The following FNBP1 variants were observed in gnomAD, a reference collection of about 807,000 sequenced individuals.
FNBP1 encodes formin binding protein 1.
In FNBP1, 26 loss-of-function variants were observed where a neutral mutation model predicts 90.6. The ratio of observed to expected loss-of-function variants is 0.29; its 90% CI spans 0.21 to 0.40. The LOEUF is 0.40. Ranked by LOEUF, FNBP1 falls within the 10% of genes least tolerant of loss-of-function variation. FNBP1 has a pLI of 1.00. For missense variants in FNBP1, 635 were observed against 768.0 expected (o/e 0.83, Z 2.05); for synonymous variants, 260 against 265.2 (o/e 0.98, Z 0.19).
chr9:129,971,133 T>C (rs6478933), intron 4 of FNBP1, among the ~76,000 whole-genome samples: 148,386 of 151,926 alleles, frequency 0.98, 72,561 homozygotes, highest in East Asian at 1. Context: ...CCTTTTGATA[T>C]GCCCACCTCC....
In FNBP1 at chr9:129,900,450, T is replaced by C; in HGVS notation, c.1526A>G (p.Asn509Ser). 3.7e-6 allele frequency: 6 copies of C among 1,603,092 alleles called. 1 individual carries two copies. Among genetic ancestry groups the C allele is most frequent in the Middle Eastern group, 3.3e-4 (2 of 6,018 alleles). ...LYDSQNPPTV[N>S]NCAQDRESPD... ...CCTCTCACGGTCCTGGGCGCAGTTG[T>C]TGACTGTGGGTGGGTTCTGGCTGTC... Residue 509 changes from asparagine (N) to serine (S), a missense_variant, in exon 14 of 17, where the codon AAC becomes AGC. Transcript: ENST00000446176. The surrounding 1 kb of genome is among the most constrained non-coding windows in gnomAD (Gnocchi z 4.1).
chr9:129,995,379 T>C (rs1273348902), intron 1 of FNBP1, among the ~76,000 whole-genome samples: 1 of 152,120 alleles, frequency 6.6e-6, no homozygotes, highest in Non-Finnish European at 1.5e-5. Context: ...GGGGGAAGTG[T>C]TACAAAATTT....
Position 129,900,680 on chromosome 9 carries a change from G to C in FNBP1, c.1429-133C>G. 2.1e-6 allele frequency: 2 copies of C among 970,662 alleles called. No individual in the cohort carries two copies. Among genetic ancestry groups the C allele is most frequent in the African/African-American group, 3.4e-5 (2 of 58,810 alleles). 60.1% of individuals were successfully genotyped at this position (970,662 alleles called of 1,614,324 possible). A position where few individuals can be genotyped will look rare whatever the true frequency, so the allele number is the denominator to read the frequency against. On this transcript the variant is annotated intron_variant, in intron 13 of 16. Transcript: ENST00000446176. This position sits in a 1 kb window ranked among gnomAD's most constrained non-coding sequence, Gnocchi z 4.1. ...GGTCCCAAACTCAGGGGCTACTCTT[G>C]GCCATTTAACCCAATGTGAGGAAGT...
chr9:129,992,184 A>G (rs1220838723), intron 2 of FNBP1, among the ~76,000 whole-genome samples: 1 of 152,226 alleles, frequency 6.6e-6, no homozygotes, highest in Non-Finnish European at 1.5e-5. Flanking sequence ...AGCAGGGGCC[A>G]GCAAGGGAGA....
rs189916420 is a variant in FNBP1, at chr9:129,941,453, T to C, written c.514-11758A>G. On this transcript the variant is annotated intron_variant, in intron 6 of 16. Transcript: ENST00000446176. ...AATTCCCAAGAACAACTGACAATGA[T>C]AGACAATGAAATTACATTTTGTTTT... Among the ~76,000 whole-genome samples the C allele has an allele frequency of 3.1e-4, 47 of 152,270 alleles. No individual in the cohort carries two copies. The Middle Eastern group carries it at 0.014, about 44-fold the overall frequency.
intron 1 of FNBP1, chr9:130,013,755 A>G (rs752889777): frequency 2.2e-6 from 1 of 456,686 alleles, no homozygotes; most frequent in Non-Finnish European, 4.4e-6. Context: ...AAATGGGGCC[A>G]AATAAAAGAT....
intron 1 of FNBP1, among the ~76,000 whole-genome samples, chr9:129,998,414 T>C (rs1234787523): frequency 6.6e-6 from 1 of 151,238 alleles, no homozygotes. Context: ...CTTGGGAGGC[T>C]GAGGCAGGAG....
In FNBP1 at chr9:129,888,700, C is replaced by T. The variant is rs2034884601; in HGVS notation, c.*1839G>A. 1 of 233,370 alleles carries T rather than the reference C, an allele frequency of 4.3e-6. No homozygotes were observed. Among genetic ancestry groups the T allele is most frequent in the Non-Finnish European group, 8.5e-6 (1 of 118,100 alleles). The allele number at this position is 233,370 out of a possible 1,614,324, so 14.5% of individuals were successfully genotyped here. A position where few individuals can be genotyped will look rare whatever the true frequency, so the allele number is the denominator to read the frequency against. On this transcript the variant is annotated 3_prime_UTR_variant, in exon 17 of 17. Coordinates refer to ENST00000446176, the MANE Select transcript of FNBP1 (RefSeq NM_015033.3). ...TCTTCACCTGCCTGGGCCTCAGCGT[C>T]TCTGCGCTTGTGGTTTCTCGTCCCC...
At chr9:130,018,254 A>AGTGT (rs113672103) in intron 1 of FNBP1, among the ~76,000 whole-genome samples, 2 of 150,574 alleles carry the variant, frequency 1.3e-5, no homozygotes, top group Non-Finnish European at 1.5e-5. Context: ...GTGTGTTTAA[A>AGTGT]GTGTGTGTGT....
At chr9:129,907,587 GTGTGTGT>G (rs2038368236) in intron 12 of FNBP1, among the ~76,000 whole-genome samples, 1 of 3,170 alleles carries the variant, frequency 3.2e-4, no homozygotes, top group Non-Finnish European at 9.4e-4. Context: ...GAGGGTGTGT[GTGTGTGT>G]GTGTGTGTGT....
chr9:129,934,005 T>C (rs2043105423), intron 6 of FNBP1, among the ~76,000 whole-genome samples: 2 of 152,216 alleles, frequency 1.3e-5, no homozygotes, highest in Admixed American at 6.5e-5. Context: ...CTAAAACTAG[T>C]GTTGAATCAA....
Position 129,889,630 on chromosome 9 carries a change from T to A in FNBP1, c.*909A>T, listed in dbSNP as rs2034945476. 4.4e-6 allele frequency: 1 copy of A among 225,152 alleles called. No homozygotes were observed. Among genetic ancestry groups the A allele is most frequent in the South Asian group, 1.8e-4 (1 of 5,464 alleles). The allele number at this position is 225,152 out of a possible 1,614,324, so 13.9% of individuals were successfully genotyped here. ...TGCTACCCTTTTCAGATGCTAATCC[T>A]GGGGCTCCTGGAAAGGAGAGGATGT... On this transcript the variant is annotated 3_prime_UTR_variant, in exon 17 of 17. Coordinates refer to ENST00000446176, the MANE Select transcript of FNBP1 (RefSeq NM_015033.3).
intron 1 of FNBP1, among the ~76,000 whole-genome samples, chr9:130,018,790 A>G (rs954764208): frequency 6.6e-6 from 1 of 152,190 alleles, no homozygotes; most frequent in African/African-American, 2.4e-5. Context: ...AAAAAATAAG[A>G]ATATAGTGTA....
upstream of FNBP1, among the ~76,000 whole-genome samples, chr9:130,046,270 GCACCCA>G (rs1179054059): frequency 7.2e-5 from 11 of 152,156 alleles, no homozygotes; most frequent in Admixed American, 1.3e-4. Context: ...ACTTTTATCT[GCACCCA>G]CACTGTCACT....
At chr9:129,979,425 A>C in intron 2 of FNBP1, 51 bp from the exon 3 acceptor site, 2 of 1,313,110 alleles carry the variant, frequency 1.5e-6, no homozygotes, top group Non-Finnish European at 2.2e-6. Flanking sequence ...AGAATTAAGA[A>C]ATCAGGAATG....
chr9:129,915,379 T>C lies in FNBP1; in HGVS notation c.1185+587A>G, dbSNP rs148831511. On this transcript the variant is annotated intron_variant, in intron 11 of 16. Coordinates refer to ENST00000446176, the MANE Select transcript of FNBP1 (RefSeq NM_015033.3). ...AATATTTACGTTCATATATATATAT[T>C]TGGAGACAGAGTCTTGCTCTGTCAC... Among the ~76,000 whole-genome samples, 141 of 152,276 alleles carry C rather than the reference T, an allele frequency of 9.3e-4. 2 individuals are homozygous for C. In the South Asian group the frequency reaches 0.017, roughly 18 times the overall value.
At chr9:129,950,475 C>T (rs1390877350) in intron 6 of FNBP1, among the ~76,000 whole-genome samples, 1 of 152,182 alleles carries the variant, frequency 6.6e-6, no homozygotes, top group Non-Finnish European at 1.5e-5. Flanking sequence ...GTCCTAAAAT[C>T]ACCTTTGGAT....
At chr9:129,934,504 T>C (rs1032345026) in intron 6 of FNBP1, among the ~76,000 whole-genome samples, 2 of 152,252 alleles carry the variant, frequency 1.3e-5, no homozygotes, top group East Asian at 1.9e-4. Flanking sequence ...TGACAAACCC[T>C]TGGGAATCTC....
intron 1 of FNBP1, among the ~76,000 whole-genome samples, chr9:130,026,524 T>C (rs1167416577): frequency 1.3e-5 from 2 of 151,944 alleles, no homozygotes; most frequent in Non-Finnish European, 2.9e-5. Flanking sequence ...GATCTTAAAA[T>C]AAATATTCTT....
Sources: allele counts gnomAD v4.1 joint callset (sites outside exome capture counted in the v4.1 genomes callset), GRCh38; gene constraint gnomAD v4.1.1; non-coding constraint Gnocchi (gnomAD v3.1); transcripts MANE v1.5; gene names NCBI Gene and HGNC (gene_info 2026-07-23, HGNC 2026-07-21).